The following PDP2 variants were observed in gnomAD, a reference collection of about 807,000 sequenced individuals.
PDP2 encodes [Pyruvate dehydrogenase [acetyl-transferring]]-phosphatase 2, mitochondrial.
PDP2 carries 23 observed loss-of-function variants against 34.2 expected under a neutral mutation model. The observed-to-expected ratio is 0.67, with a 90% CI of 0.48 to 0.95. PDP2 has a LOEUF of 0.95. PDP2 is among the 40% of genes least tolerant of loss of function. The pLI, the probability that PDP2 is intolerant of heterozygous loss-of-function variation, is 0.00. For synonymous variants in PDP2, 275 were observed against 269.2 expected (o/e 1.02, Z -0.21); for missense variants, 571 against 659.6 (o/e 0.87, Z 1.47).
At position 66,884,443 on chromosome 16, in the gene PDP2, A is replaced by G; in HGVS notation, c.159A>G (p.Pro53=). The G allele has an allele frequency of 6.2e-7, 1 of 1,614,220 alleles. No individual in the cohort carries two copies. The highest frequency in any genetic ancestry group is 8.5e-7 in the Non-Finnish European group (1 of 1,180,032). The change falls in exon 2 of 2, where the codon CCA becomes CCG. Residue 53 remains proline (P), a synonymous_variant. Transcript: ENST00000311765. The part of the protein sequence containing the change: ...SRVPPTLNSS[P]CGGFTLCKAY... ...TGCCACCCACCCTAAACAGTTCCCC[A>G]TGTGGTGGCTTTACTCTGTGCAAAG...
At chr16:66,881,434 TTTAA>T (rs900697652) in intron 1 of PDP2, among the ~76,000 whole-genome samples, 21 of 91,294 alleles carry the variant, frequency 2.3e-4, no homozygotes, top group African/African-American at 1.1e-3. Context: ...TTTTTTTTAA[TTTAA>T]TTTAATTTAA....
chr16:66,885,560 C>G lies in PDP2; in HGVS notation c.1276C>G (p.Leu426Val), dbSNP rs1961723406. ...GCTGAGCAATGAGGACGTGGTAAGG[C>G]TGGTGGTGGGGCACCTGGCTGAGGC... ...DMLSNEDVVR[L>V]VVGHLAEADW... The change falls in exon 2 of 2, where the codon CTG becomes GTG. Residue 426 changes from leucine to valine, a missense_variant. Physicochemically the swap from Leu to Val is conservative, Grantham distance 32 (BLOSUM62 1). Transcript: ENST00000311765. This position sits in a 1 kb window ranked among gnomAD's most constrained non-coding sequence, Gnocchi z 4.6. The G allele has an allele frequency of 6.2e-7, 1 of 1,613,960 alleles. No individual in the cohort carries two copies. Among genetic ancestry groups the G allele is most frequent in the Non-Finnish European group, 8.5e-7 (1 of 1,180,042 alleles).
Position 66,890,533 on chromosome 16 carries a change from C to T in PDP2, c.*4659C>T, listed in dbSNP as rs1004792423. The T allele has an allele frequency of 2.6e-5, 4 of 152,094 alleles. No individual in the cohort carries two copies. The highest frequency in any genetic ancestry group is 2.0e-4 in the Admixed American group (3 of 15,262). The allele number at this position is 152,094 out of a possible 1,614,324, so 9.4% of individuals were successfully genotyped here. A position where few individuals can be genotyped will look rare whatever the true frequency, so the allele number is the denominator to read the frequency against. On this transcript the variant is annotated 3_prime_UTR_variant, in exon 2 of 2. Transcript: ENST00000311765. The stretch of plus-strand genomic sequence containing the variant: ...TTAAACATAAGTGAAATATAGAGAG[C>T]TTGAACTTGAGTTACTTAAAGAAGA...
At chr16:66,882,091 A>G (rs1475130816) in intron 1 of PDP2, among the ~76,000 whole-genome samples, 1 of 152,256 alleles carries the variant, frequency 6.6e-6, no homozygotes, top group African/African-American at 2.4e-5. Context: ...AAATGTAGCC[A>G]TCAGATGTGA....
In PDP2 at chr16:66,887,233, A is replaced by G. The variant is rs1961800535; in HGVS notation, c.*1359A>G. On this transcript the variant is annotated 3_prime_UTR_variant, in exon 2 of 2. Coordinates refer to ENST00000311765, the MANE Select transcript of PDP2 (RefSeq NM_020786.4). Reference sequence around the variant, plus strand: ...TTTCTGTGGGCTGTAGACTCTTTGTATTTACTTGGAAATTCAGTTATGTGG... The same window carrying G: ...TTTCTGTGGGCTGTAGACTCTTTGTGTTTACTTGGAAATTCAGTTATGTGG... 1 of 166,304 alleles carries G rather than the reference A, an allele frequency of 6.0e-6. No individual in the cohort carries two copies. The highest frequency in any genetic ancestry group is 6.5e-5 in the Admixed American group (1 of 15,276). 10.3% of individuals were successfully genotyped at this position (166,304 alleles called of 1,614,324 possible). A position where few individuals can be genotyped will look rare whatever the true frequency, so the allele number is the denominator to read the frequency against.
intron 1 of PDP2, among the ~76,000 whole-genome samples, chr16:66,882,301 C>T (rs576715302): frequency 6.6e-5 from 10 of 152,112 alleles, no homozygotes; most frequent in African/African-American, 1.9e-4. Flanking sequence ...CTGGGCCTGG[C>T]GGCACATGCC....
Position 66,889,976 on chromosome 16 carries a change from TAA to T in PDP2, c.*4119_*4120del, listed in dbSNP as rs111703048. 0.015 allele frequency: 1,810 copies of T among 118,548 alleles called. 37 individuals are homozygous for T. Among genetic ancestry groups the T allele is most frequent in the South Asian group, 0.11 (397 of 3,780 alleles). 7.3% of individuals were successfully genotyped at this position (118,548 alleles called of 1,614,324 possible). On this transcript the variant is annotated 3_prime_UTR_variant, in exon 2 of 2. Transcript: ENST00000311765. Reference sequence around the variant, plus strand: ...CTGTGTCTAAAAAAAAAGTTTGAATTAAAAAAAAAAAAAAAAAAGTCGGCTGT... The same window carrying T: ...CTGTGTCTAAAAAAAAAGTTTGAATTAAAAAAAAAAAAAAAAGTCGGCTGT...
At chr16:66,882,265 A>G (rs1961554017) in intron 1 of PDP2, among the ~76,000 whole-genome samples, 1 of 152,112 alleles carries the variant, frequency 6.6e-6, no homozygotes, top group Non-Finnish European at 1.5e-5. Context: ...CCAGCCTGGA[A>G]AACACGGGGA....
Position 66,885,600 on chromosome 16 carries a change from C to G in PDP2, c.1316C>G (p.Thr439Arg). ...CTGGCTGAGGCAGATTGGCACAAGACAGACCTGGCCCAGAGACCCGCCAAC... is the reference window on the plus strand; with the variant it reads ...CTGGCTGAGGCAGATTGGCACAAGAGAGACCTGGCCCAGAGACCCGCCAAC... ...GHLAEADWHKTDLAQRPANLG... is the reference protein window; with the variant it reads ...GHLAEADWHKRDLAQRPANLG... The change falls in exon 2 of 2, where the codon ACA becomes AGA. Residue 439 changes from threonine (T) to arginine (R), a missense_variant. Around this residue, in one of 2 missense-constraint regions of PDP2, gnomAD observed 281 missense variants for 375.8 expected, o/e 0.75. Coordinates refer to ENST00000311765, the MANE Select transcript of PDP2 (RefSeq NM_020786.4). This position sits in a 1 kb window ranked among gnomAD's most constrained non-coding sequence, Gnocchi z 4.6. The G allele has an allele frequency of 6.2e-7, 1 of 1,614,076 alleles. No individual in the cohort carries two copies. The highest frequency in any genetic ancestry group is 8.5e-7 in the Non-Finnish European group (1 of 1,180,028).
chr16:66,884,810 G>C lies in PDP2; in HGVS notation c.526G>C (p.Ala176Pro), dbSNP rs766641239. The change falls in exon 2 of 2, where the codon GCT becomes CCT. Residue 176 changes from alanine to proline, a missense_variant. Coordinates refer to ENST00000311765, the MANE Select transcript of PDP2 (RefSeq NM_020786.4). The stretch of plus-strand genomic sequence containing the variant: ...CCAGACCCTGGAGCACATGGAGGGA[G>C]CTATGGAAAGCATGAAACCCTTGCT... Reference protein sequence around the residue: ...SHQTLEHMEGAMESMKPLLPI... With the variant: ...SHQTLEHMEGPMESMKPLLPI... The C allele has an allele frequency of 2.3e-5, 37 of 1,614,008 alleles. No individual in the cohort carries two copies. Among genetic ancestry groups the C allele is most frequent in the Non-Finnish European group, 3.1e-5 (36 of 1,180,050 alleles).
rs1045738849 is a variant in PDP2 at position 66,886,319 on chromosome 16, A to G, written c.*445A>G. 3 of 249,848 alleles carry G rather than the reference A, an allele frequency of 1.2e-5. No homozygotes were observed. Among genetic ancestry groups the G allele is most frequent in the Non-Finnish European group, 2.7e-5 (3 of 111,914 alleles). The allele number at this position is 249,848 out of a possible 1,614,324, so 15.5% of individuals were successfully genotyped here. A position where few individuals can be genotyped will look rare whatever the true frequency, so the allele number is the denominator to read the frequency against. ...ATGGACTTGTAGACTATGAAGAGAT[A>G]TTTTATTTGTTTGTCTTTTATTTAA... On this transcript the variant is annotated 3_prime_UTR_variant, in exon 2 of 2. Coordinates refer to ENST00000311765, the MANE Select transcript of PDP2 (RefSeq NM_020786.4).
intron 1 of PDP2, chr16:66,882,874 G>A (rs552121959): frequency 2.8e-4 from 42 of 152,570 alleles, no homozygotes; most frequent in African/African-American, 9.4e-4. Flanking sequence ...TGCCCAGGCT[G>A]GAGTGCAGTG....
Position 66,885,484 on chromosome 16 carries a change from G to A in PDP2, c.1200G>A (p.Leu400=). 6.2e-7 allele frequency: 1 copy of A among 1,613,980 alleles called. No individual in the cohort carries two copies. The highest frequency in any genetic ancestry group is 8.5e-7 in the Non-Finnish European group (1 of 1,180,036). The change falls in exon 2 of 2, where the codon CTG becomes CTA. Residue 400 remains leucine (L), a synonymous_variant. Transcript: ENST00000311765. The surrounding 1 kb of genome is among the most constrained non-coding windows in gnomAD (Gnocchi z 4.6). The stretch of plus-strand genomic sequence containing the variant: ...AGCCTGAGGTCACATACCACAGGCT[G>A]AGGCCCCAGGATAAGTTCCTTGTGC... The part of the protein sequence containing the change: ...TAEPEVTYHR[L]RPQDKFLVLA...
intron 1 of PDP2, among the ~76,000 whole-genome samples, chr16:66,881,825 C>A (rs1230783133): frequency 6.6e-6 from 1 of 152,080 alleles, no homozygotes; most frequent in African/African-American, 2.4e-5. Context: ...GGACTACAGG[C>A]ACTTACCACC....
In PDP2 at chr16:66,889,536, A is replaced by T. The variant is rs1961922154; in HGVS notation, c.*3662A>T. ...GGCTGCGAACTCCTGAGCTCAAGTG[A>T]TCCTCCCACCTCAGCTTCCCAAAGT... On this transcript the variant is annotated 3_prime_UTR_variant, in exon 2 of 2. Transcript: ENST00000311765. 6.6e-6 allele frequency: 1 copy of T among 152,118 alleles called. No individual in the cohort carries two copies. The highest frequency in any genetic ancestry group is 1.5e-5 in the Non-Finnish European group (1 of 68,046). The allele number at this position is 152,118 out of a possible 1,614,324, so 9.4% of individuals were successfully genotyped here. A position where few individuals can be genotyped will look rare whatever the true frequency, so the allele number is the denominator to read the frequency against.
chr16:66,881,814 G>A (rs1961530883), intron 1 of PDP2, among the ~76,000 whole-genome samples: 2 of 152,160 alleles, frequency 1.3e-5, no homozygotes, highest in Non-Finnish European at 2.9e-5. Flanking sequence ...TTGAGTAGCT[G>A]GGACTACAGG....
In PDP2 at chr16:66,888,299, G is replaced by C. The variant is rs1051738217; in HGVS notation, c.*2425G>C. ...GCTGGTCTCAAACTCCTAGACTCAA[G>C]CAATCTGCCCACCTCGGCCTCCCAA... is the stretch of plus-strand genomic sequence containing the variant. On this transcript the variant is annotated 3_prime_UTR_variant, in exon 2 of 2. Transcript: ENST00000311765. 6 of 152,072 alleles carry C rather than the reference G, an allele frequency of 3.9e-5. No individual in the cohort carries two copies. Among genetic ancestry groups the C allele is most frequent in the African/African-American group, 1.5e-4 (6 of 41,372 alleles). The allele number at this position is 152,072 out of a possible 1,614,324, so 9.4% of individuals were successfully genotyped here.
chr16:66,881,592 A>G (rs1393848590), intron 1 of PDP2, among the ~76,000 whole-genome samples: 1 of 152,098 alleles, frequency 6.6e-6, no homozygotes, highest in Non-Finnish European at 1.5e-5. Context: ...CCTTGGACCT[A>G]CTGACTCCTT....
At position 66,889,445 on chromosome 16, in the gene PDP2, A is replaced by G. The variant is rs1961916258; in HGVS notation, c.*3571A>G. The G allele has an allele frequency of 1.3e-5, 2 of 152,086 alleles. No homozygotes were observed. Among genetic ancestry groups the G allele is most frequent in the East Asian group, 3.9e-4 (2 of 5,180 alleles). The allele number at this position is 152,086 out of a possible 1,614,324, so 9.4% of individuals were successfully genotyped here. A position where few individuals can be genotyped will look rare whatever the true frequency, so the allele number is the denominator to read the frequency against. ...CCACAGAGTAGCTGGGATTACAGGC[A>G]TGCACCACCACACACCGCTAATTTT... On this transcript the variant is annotated 3_prime_UTR_variant, in exon 2 of 2. Transcript: ENST00000311765.
Sources: allele counts gnomAD v4.1 joint callset (sites outside exome capture counted in the v4.1 genomes callset), GRCh38; gene constraint gnomAD v4.1.1; regional missense constraint gnomAD v4.1.1; non-coding constraint Gnocchi (gnomAD v3.1); transcripts MANE v1.5; gene names NCBI Gene and HGNC (gene_info 2026-07-23, HGNC 2026-07-21).